PIK3R3: variants seen among roughly 807,000 people sequenced by gnomAD.
PIK3R3 encodes phosphoinositide-3-kinase regulatory subunit 3, also known as phosphatidylinositol 3-kinase regulatory subunit gamma.
PIK3R3 carries 64 observed loss-of-function variants against 62.9 expected under a neutral mutation model. The ratio of observed to expected loss-of-function variants is 1.02; its 90% CI spans 0.83 to 1.25. The LOEUF (loss-of-function observed/expected upper bound fraction) is 1.25. Ranked by LOEUF, PIK3R3 falls within the 50% of genes most tolerant of loss-of-function variation. The pLI is 0.00. For missense variants in PIK3R3, 614 were observed against 561.6 expected, an observed-to-expected ratio of 1.09 and a Z score of -0.94; for synonymous variants, 165 against 189.0, an observed-to-expected ratio of 0.87 and a Z score of 1.04.
Position 46,062,016 on chromosome 1 carries a change from A to C in PIK3R3, c.677T>G (p.Phe226Cys). The C allele has an allele frequency of 6.2e-7, 1 of 1,612,068 alleles. No individual in the cohort carries two copies. Among genetic ancestry groups the C allele is most frequent in the Non-Finnish European group, 8.5e-7 (1 of 1,178,324 alleles). ...TTCTTGTGTGTGACACTGCTCTTCA[A>C]ATATTTTAATTGTTTCATTAAAAGC... ...IEAFNETIKI[F>C]EEQCHTQEQH... Residue 226 changes from phenylalanine (F) to cysteine (C), a missense_variant, in exon 6 of 10, where the codon TTT (phenylalanine) becomes TGT (cysteine). By Grantham distance (205) the Phe-to-Cys change is radical. Coordinates refer to ENST00000262741, the MANE Select transcript of PIK3R3 (RefSeq NM_003629.4).
At chr1:46,043,952 C>A in intron 9 of PIK3R3, 81 bp from the exon 10 acceptor site, 1 of 1,187,098 alleles carries the variant, frequency 8.4e-7, no homozygotes, top group Non-Finnish European at 1.2e-6. Flanking sequence ...AGTCTGAGAG[C>A]AATTGTTATG....
chr1:46,133,835 A>G (rs532308024), upstream of PIK3R3, among the ~76,000 whole-genome samples: 1 of 151,872 alleles, frequency 6.6e-6, no homozygotes, highest in Non-Finnish European at 1.5e-5. Context: ...TCTTGGAATT[A>G]CAGTGCATGT....
chr1:46,163,545 T>C, the PIK3R3 span, among the ~76,000 whole-genome samples: 1 of 152,190 alleles, frequency 6.6e-6, no homozygotes, highest in African/African-American at 2.4e-5. Context: ...TGATTGTCAA[T>C]GATTACTAGC....
At position 46,132,320 on chromosome 1, in the gene PIK3R3, T is replaced by G; in HGVS notation, c.-368A>C. ...AATCTTTCCGCGGAAGCCACTTTTG[T>G]GTCCTTCGAAGGAGGGAGAATGAAG... On this transcript the variant is annotated 5_prime_UTR_variant, in exon 1 of 10. Transcript: ENST00000262741. 9.0e-7 allele frequency: 1 copy of G among 1,115,326 alleles called. No homozygotes were observed. Among genetic ancestry groups the G allele is most frequent in the Non-Finnish European group, 1.1e-6 (1 of 906,196 alleles). The allele number at this position is 1,115,326 out of a possible 1,614,324, so 69.1% of individuals were successfully genotyped here. A position where few individuals can be genotyped will look rare whatever the true frequency, so the allele number is the denominator to read the frequency against.
upstream of PIK3R3, chr1:46,132,724 C>T (rs755650837): frequency 1.9e-5 from 24 of 1,288,352 alleles, no homozygotes; most frequent in Non-Finnish European, 6.1e-6. Context: ...CCAACCGCGC[C>T]GGGAGGGGGG....
chr1:46,119,718 C>T (rs1473514519), intron 1 of PIK3R3, among the ~76,000 whole-genome samples: 2 of 151,820 alleles, frequency 1.3e-5, no homozygotes, highest in Non-Finnish European at 2.9e-5. Flanking sequence ...AAAACTCCAC[C>T]TTGGCCTTGT....
At chr1:46,162,539 T>C in the PIK3R3 span, among the ~76,000 whole-genome samples, 1 of 152,142 alleles carries the variant, frequency 6.6e-6, no homozygotes, top group African/African-American at 2.4e-5. Flanking sequence ...ATATTAATAA[T>C]GTAAAAGAAA....
intron 1 of PIK3R3, among the ~76,000 whole-genome samples, chr1:46,125,536 A>G (rs1276775197): frequency 6.6e-6 from 1 of 152,156 alleles, no homozygotes; most frequent in Non-Finnish European, 1.5e-5. Context: ...CTCAGCAGAT[A>G]TTTTCCCCAA....
the PIK3R3 span, among the ~76,000 whole-genome samples, chr1:46,152,326 C>T: frequency 6.6e-6 from 1 of 151,504 alleles, no homozygotes; most frequent in Non-Finnish European, 1.5e-5. Context: ...AGTACCCCAG[C>T]CAAGAGCACT....
At chr1:46,133,868 G>A (rs1426870151), upstream of PIK3R3, among the ~76,000 whole-genome samples, 2 of 151,742 alleles carry the variant, frequency 1.3e-5, no homozygotes, top group Non-Finnish European at 1.5e-5. Context: ...ATAAGTCACA[G>A]GTGTTGGAAT....
At chr1:46,077,888 TCAAG>T (rs1194706721) in intron 2 of PIK3R3, among the ~76,000 whole-genome samples, 1 of 152,212 alleles carries the variant, frequency 6.6e-6, no homozygotes, top group Non-Finnish European at 1.5e-5. Flanking sequence ...ACTGTTTCCA[TCAAG>T]CCTTTAAGGG....
intron 1 of PIK3R3, among the ~76,000 whole-genome samples, chr1:46,100,175 T>C (rs887710008): frequency 1.3e-5 from 2 of 152,204 alleles, no homozygotes; most frequent in Non-Finnish European, 2.9e-5. Context: ...ATCTTTTTCT[T>C]TTACAGTTCA....
chr1:46,128,172 C>T (rs990761047), intron 1 of PIK3R3, among the ~76,000 whole-genome samples: 14 of 152,182 alleles, frequency 9.2e-5, no homozygotes, highest in Admixed American at 4.6e-4. Flanking sequence ...TAGTGGCTCA[C>T]GTCTGTAATC....
At chr1:46,167,220 C>G in the PIK3R3 span, among the ~76,000 whole-genome samples, 2 of 152,242 alleles carry the variant, frequency 1.3e-5, no homozygotes, top group Admixed American at 6.5e-5. Context: ...AAGAACGCCC[C>G]GCGAATAAAT....
chr1:46,141,682 A>C, the PIK3R3 span, among the ~76,000 whole-genome samples: 2 of 152,238 alleles, frequency 1.3e-5, no homozygotes, highest in Non-Finnish European at 2.9e-5. Context: ...CAAACCTATA[A>C]AACTTTGTCA....
At chr1:46,144,939 CA>C in the PIK3R3 span, among the ~76,000 whole-genome samples, 1 of 151,780 alleles carries the variant, frequency 6.6e-6, no homozygotes, top group East Asian at 1.9e-4. Context: ...ACTTGACCAA[CA>C]TGGAGAAACC....
At chr1:46,164,923 C>T in the PIK3R3 span, among the ~76,000 whole-genome samples, 1 of 152,092 alleles carries the variant, frequency 6.6e-6, no homozygotes, top group Non-Finnish European at 1.5e-5. Context: ...CAACCTCAAA[C>T]TCCTGGGCTC....
At chr1:46,048,945 A>G (rs1335845599) in intron 7 of PIK3R3, among the ~76,000 whole-genome samples, 1 of 152,210 alleles carries the variant, frequency 6.6e-6, no homozygotes, top group African/African-American at 2.4e-5. Context: ...GTTAATTCAC[A>G]TTTAATGTTA....
At chr1:46,153,815 A>G in the PIK3R3 span, among the ~76,000 whole-genome samples, 5 of 152,220 alleles carry the variant, frequency 3.3e-5, no homozygotes, top group Non-Finnish European at 5.9e-5. Flanking sequence ...CACACAGTGC[A>G]TGACTTAGAC....
Sources: gnomAD v4.1 joint callset for allele counts (sites outside exome capture counted in the v4.1 genomes callset) on GRCh38, gnomAD v4.1.1 for gene constraint, MANE v1.5 for transcripts, NCBI Gene and HGNC (gene_info 2026-07-23, HGNC 2026-07-21) for gene names.